Variants in ADAM12 observed in about 807,000 individuals in gnomAD.
ADAM12 encodes ADAM metallopeptidase domain 12, also known as disintegrin and metalloproteinase domain-containing protein 12.
ADAM12 carries 70 observed loss-of-function variants against 106.4 expected under a neutral mutation model. The observed-to-expected ratio is 0.66, with a 90% CI of 0.54 to 0.80. The LOEUF (loss-of-function observed/expected upper bound fraction) is 0.80, where lower values mean the gene tolerates loss of function less well. Among genes scored for constraint, ADAM12 ranks in the 30% least tolerant of loss-of-function variants. ADAM12 has a pLI of 0.00. For missense variants in ADAM12, 1,010 were observed against 1,171.9 expected (o/e 0.86, Z 2.02); for synonymous variants, 420 against 433.5 (o/e 0.97, Z 0.39).
chr10:126,200,818 G>A (rs1320599561), intron 3 of ADAM12, among the ~76,000 whole-genome samples: 1 of 145,800 alleles, frequency 6.9e-6, no homozygotes, highest in Non-Finnish European at 1.5e-5. Flanking sequence ...GTTTGAGATG[G>A]ACGTTGGAGA....
intron 3 of ADAM12, among the ~76,000 whole-genome samples, chr10:126,161,178 T>G (rs1331954635): frequency 6.6e-6 from 1 of 152,202 alleles, no homozygotes; most frequent in African/African-American, 2.4e-5. Context: ...TTCCCTCACT[T>G]CCAGCCCTGC....
intron 1 of ADAM12, among the ~76,000 whole-genome samples, chr10:126,343,210 G>C (rs374463357): frequency 5.5e-4 from 77 of 139,802 alleles, no homozygotes; most frequent in African/African-American, 2.0e-3. Flanking sequence ...CCTGGTGTGT[G>C]ATGTTCTCTT....
intron 12 of ADAM12, among the ~76,000 whole-genome samples, chr10:126,071,206 T>A (rs1206564464): frequency 1.3e-5 from 2 of 151,456 alleles, no homozygotes; most frequent in Non-Finnish European, 2.9e-5. Flanking sequence ...CACTTTTTTT[T>A]ATTGTTTTTG....
intron 3 of ADAM12, among the ~76,000 whole-genome samples, chr10:126,185,520 A>G (rs1010013038): frequency 1.3e-5 from 2 of 152,118 alleles, no homozygotes; most frequent in Non-Finnish European, 1.5e-5. Flanking sequence ...ATTTTTAGAA[A>G]GTACATAATG....
chr10:126,065,702 C>T (rs1324058492), intron 13 of ADAM12, among the ~76,000 whole-genome samples: 2 of 152,148 alleles, frequency 1.3e-5, no homozygotes, highest in South Asian at 2.1e-4. Context: ...AGAGATAAGA[C>T]CCCTGCCAAC....
Position 126,362,182 on chromosome 10 carries a change from A to C in ADAM12, c.88+25876T>G, listed in dbSNP as rs1656040883. On this transcript the variant is annotated intron_variant, in intron 1 of 22. Transcript: ENST00000448723. ...CTCCAAATGACCAACAGATATATGA[A>C]AAAAAGTCCAACATAAATAATCATT... is the stretch of plus-strand genomic sequence containing the variant. Among the ~76,000 whole-genome samples the C allele has an allele frequency of 5.9e-5, 9 of 152,322 alleles. No individual in the cohort carries two copies. The South Asian group carries it at 1.9e-3, about 32-fold the overall frequency.
chr10:126,128,317 G>T (rs1373198100), intron 5 of ADAM12, among the ~76,000 whole-genome samples: 1 of 152,138 alleles, frequency 6.6e-6, no homozygotes, highest in East Asian at 1.9e-4. Flanking sequence ...CTTTGAGAGG[G>T]TGGCGATTTC....
At chr10:126,325,044 C>G (rs891826753) in intron 2 of ADAM12, among the ~76,000 whole-genome samples, 6 of 151,990 alleles carry the variant, frequency 3.9e-5, no homozygotes, top group Non-Finnish European at 5.9e-5. Flanking sequence ...ACCAGCGGGA[C>G]CCTTCATCAG....
At chr10:126,059,170 T>TG (rs1954698023) in intron 14 of ADAM12, among the ~76,000 whole-genome samples, 2 of 152,334 alleles carry the variant, frequency 1.3e-5, no homozygotes, top group East Asian at 1.9e-4. Context: ...AATGTCATTA[T>TG]ATTTTTTTTG....
intron 1 of ADAM12, among the ~76,000 whole-genome samples, chr10:126,367,004 T>C (rs1410580962): frequency 6.6e-6 from 1 of 152,076 alleles, no homozygotes; most frequent in Non-Finnish European, 1.5e-5. Context: ...CTCCCAATAA[T>C]TGATAGAAAT....
intron 3 of ADAM12, among the ~76,000 whole-genome samples, chr10:126,176,551 T>C (rs1176852598): frequency 6.6e-6 from 1 of 152,220 alleles, no homozygotes; most frequent in Non-Finnish European, 1.5e-5. Flanking sequence ...TAGGGCATAG[T>C]CTATCTTGTG....
chr10:126,035,686 A>C (rs1954046539), intron 21 of ADAM12, among the ~76,000 whole-genome samples: 1 of 149,906 alleles, frequency 6.7e-6, no homozygotes, highest in Non-Finnish European at 1.5e-5. Context: ...ATACATAAAC[A>C]ATACAGTGCT....
chr10:126,255,680 T>C (rs1958877203), intron 3 of ADAM12, among the ~76,000 whole-genome samples: 2 of 152,190 alleles, frequency 1.3e-5, no homozygotes, highest in Admixed American at 1.3e-4. Flanking sequence ...GGGGACTTCG[T>C]CTTACCTTTC....
chr10:126,243,384 GGCCTTCTCAT>G (rs1958565452), intron 3 of ADAM12, among the ~76,000 whole-genome samples: 2 of 152,240 alleles, frequency 1.3e-5, no homozygotes, highest in South Asian at 4.1e-4. Context: ...TCTGTTCTCA[GGCCTTCTCAT>G]GCATCTTACT....
At chr10:126,382,517 G>A (rs999363711) in intron 1 of ADAM12, among the ~76,000 whole-genome samples, 3 of 152,238 alleles carry the variant, frequency 2.0e-5, no homozygotes, top group Admixed American at 6.5e-5. Context: ...GAGTGAAATC[G>A]CCTTGGCAGG....
At chr10:126,301,255 C>G (rs1960611843) in intron 2 of ADAM12, among the ~76,000 whole-genome samples, 1 of 152,222 alleles carries the variant, frequency 6.6e-6, no homozygotes, top group African/African-American at 2.4e-5. Context: ...ACCAGATGGT[C>G]TATAACCTTG....
chr10:126,048,646 T>G (rs1954390391), intron 16 of ADAM12, among the ~76,000 whole-genome samples: 1 of 151,314 alleles, frequency 6.6e-6, no homozygotes, highest in Non-Finnish European at 1.5e-5. Context: ...TGTCATTTAG[T>G]CTGATGAGAA....
intron 2 of ADAM12, among the ~76,000 whole-genome samples, chr10:126,318,345 C>A (rs1853960777): frequency 1.3e-5 from 2 of 152,070 alleles, no homozygotes; most frequent in Non-Finnish European, 2.9e-5. Flanking sequence ...CAAACTCACA[C>A]ACATTCACAC....
chr10:126,061,143 G>T (rs1954747672), intron 14 of ADAM12, among the ~76,000 whole-genome samples: 1 of 152,086 alleles, frequency 6.6e-6, no homozygotes, highest in Admixed American at 6.5e-5. Context: ...AACATATCTG[G>T]CCCATGACCC....
Sources: allele counts gnomAD v4.1 joint callset (sites outside exome capture counted in the v4.1 genomes callset), GRCh38; gene constraint gnomAD v4.1.1; transcripts MANE v1.5; gene names NCBI Gene and HGNC (gene_info 2026-07-23, HGNC 2026-07-21).